The following EVI5 variants were observed in gnomAD, a reference collection of about 807,000 sequenced individuals.
EVI5 encodes the protein ecotropic viral integration site 5 protein homolog.
EVI5 carries 73 observed loss-of-function variants against 112.0 expected under a neutral mutation model. That is an observed-to-expected ratio of 0.65 (90% CI 0.54 to 0.79). EVI5 has a LOEUF of 0.79. EVI5 is among the 30% of genes least tolerant of loss of function. The pLI, the probability that EVI5 is intolerant of heterozygous loss-of-function variation, is 0.00. For missense variants in EVI5, 900 were observed against 968.8 expected (o/e 0.93, Z 0.94); for synonymous variants, 305 against 319.9 (o/e 0.95, Z 0.50).
At chr1:92,586,710 C>G (rs1464309875) in intron 18 of EVI5, among the ~76,000 whole-genome samples, 1 of 148,394 alleles carries the variant, frequency 6.7e-6, no homozygotes, top group Admixed American at 6.8e-5. Context: ...TATTTCCTGT[C>G]CCCGTCCTAG....
intron 18 of EVI5, among the ~76,000 whole-genome samples, chr1:92,575,982 A>T (rs1323768758): frequency 6.6e-6 from 1 of 152,190 alleles, no homozygotes; most frequent in East Asian, 1.9e-4. Flanking sequence ...CATTATTCCA[A>T]ATAAAATACT....
intron 13 of EVI5, chr1:92,647,728 A>T: frequency 4.9e-6 from 1 of 203,092 alleles, no homozygotes; most frequent in Non-Finnish European, 1.0e-5. Context: ...GAGAGGTAGG[A>T]GGTCAATAAC....
At chr1:92,542,307 C>T (rs953749224) in intron 19 of EVI5, among the ~76,000 whole-genome samples, 2 of 152,106 alleles carry the variant, frequency 1.3e-5, no homozygotes. Context: ...AACTCCTCGT[C>T]CATTCAAGTT....
intron 19 of EVI5, among the ~76,000 whole-genome samples, chr1:92,516,315 C>T (rs927178116): frequency 3.3e-5 from 5 of 152,144 alleles, no homozygotes; most frequent in Non-Finnish European, 7.3e-5. Context: ...CTTTCCTTTG[C>T]TCTAACAAAA....
At chr1:92,580,118 A>C (rs1302827746) in intron 18 of EVI5, among the ~76,000 whole-genome samples, 1 of 152,226 alleles carries the variant, frequency 6.6e-6, no homozygotes, top group Non-Finnish European at 1.5e-5. Flanking sequence ...AAGAAAACCC[A>C]TGAGGCTAAT....
At chr1:92,629,478 A>G (rs1266833147) in intron 14 of EVI5, among the ~76,000 whole-genome samples, 6 of 152,194 alleles carry the variant, frequency 3.9e-5, no homozygotes, top group Non-Finnish European at 7.4e-5. Context: ...TCTGAAAGCT[A>G]TAAGAAACCT....
chr1:92,785,380 C>A (rs976647885), upstream of EVI5, among the ~76,000 whole-genome samples: 3 of 152,208 alleles, frequency 2.0e-5, no homozygotes, highest in South Asian at 2.1e-4. Flanking sequence ...GGGCCCGAAG[C>A]GACCCCGAGC....
chr1:92,590,013 G>A (rs1673529977), intron 18 of EVI5, among the ~76,000 whole-genome samples: 1 of 152,216 alleles, frequency 6.6e-6, no homozygotes, highest in Non-Finnish European at 1.5e-5. Flanking sequence ...AGGGTCTGGA[G>A]TGGACCTCCA....
Position 92,656,921 on chromosome 1 carries a change from A to C in EVI5, c.1392+5798T>G, listed in dbSNP as rs543840018. Among the ~76,000 whole-genome samples, 86 of 152,316 alleles carry C rather than the reference A, an allele frequency of 5.6e-4. 1 individual carries two copies. In the South Asian group the frequency reaches 0.017, roughly 31 times the overall value. On this transcript the variant is annotated intron_variant, in intron 13 of 19. Transcript: ENST00000684568. ...TCCCAACAAGAACAAGAAGCCCAGG[A>C]TCAGATGAATTCACAGCCAAATTCT...
intron 1 of EVI5, among the ~76,000 whole-genome samples, chr1:92,783,821 AAAAAAG>A (rs575202055): frequency 0.07 from 10,188 of 146,324 alleles, 251 homozygotes; most frequent in Middle Eastern, 0.11. Context: ...AAAAAAAAAA[AAAAAAG>A]AAAAGAAAAG....
At chr1:92,712,283 A>G (rs1277833265) in intron 2 of EVI5, among the ~76,000 whole-genome samples, 1 of 152,220 alleles carries the variant, frequency 6.6e-6, no homozygotes, top group Non-Finnish European at 1.5e-5. Context: ...AACAACTCAG[A>G]GACAACACAG....
intron 6 of EVI5, among the ~76,000 whole-genome samples, chr1:92,696,337 G>A (rs937128453): frequency 2.6e-5 from 4 of 152,120 alleles, no homozygotes; most frequent in African/African-American, 9.7e-5. Context: ...CTCAAGTCCA[G>A]GCACAGTGGC....
intron 1 of EVI5, among the ~76,000 whole-genome samples, chr1:92,766,536 T>C (rs1318469704): frequency 6.6e-6 from 1 of 152,164 alleles, no homozygotes. Context: ...CAATGTGAAA[T>C]AAGAATTACC....
intron 1 of EVI5, chr1:92,784,581 G>A: frequency 5.8e-6 from 2 of 346,114 alleles, no homozygotes; most frequent in Non-Finnish European, 8.2e-6. Flanking sequence ...GGACGCCACA[G>A]TTAGACCCGC....
intron 19 of EVI5, among the ~76,000 whole-genome samples, chr1:92,520,823 T>C (rs1660776550): frequency 6.6e-6 from 1 of 150,456 alleles, no homozygotes; most frequent in African/African-American, 2.5e-5. Flanking sequence ...CACTGCATTC[T>C]AGCCTGGGTG....
intron 13 of EVI5, among the ~76,000 whole-genome samples, chr1:92,662,253 C>T (rs370631045): frequency 2.0e-5 from 3 of 152,234 alleles, no homozygotes; most frequent in Admixed American, 2.0e-4. Context: ...AATAGTATTT[C>T]GTAAGACACA....
intron 1 of EVI5, among the ~76,000 whole-genome samples, chr1:92,764,397 A>T (rs1682313186): frequency 6.6e-6 from 1 of 152,192 alleles, no homozygotes; most frequent in Non-Finnish European, 1.5e-5. Context: ...ATTTAAAATG[A>T]TAGTAGACCA....
At chr1:92,590,161 C>A (rs181072701) in intron 18 of EVI5, among the ~76,000 whole-genome samples, 12 of 152,094 alleles carry the variant, frequency 7.9e-5, no homozygotes, top group Non-Finnish European at 1.8e-4. Flanking sequence ...CACAAAGATG[C>A]GGAAAAAACA....
chr1:92,522,599 C>T (rs934794423), intron 19 of EVI5, among the ~76,000 whole-genome samples: 1 of 135,660 alleles, frequency 7.4e-6, no homozygotes, highest in African/African-American at 2.8e-5. Flanking sequence ...CCACAGCACT[C>T]CAGCCTGGGT....
Sources: gnomAD v4.1 joint callset for allele counts (sites outside exome capture counted in the v4.1 genomes callset) on GRCh38, gnomAD v4.1.1 for gene constraint, MANE v1.5 for transcripts, NCBI Gene and HGNC (gene_info 2026-07-23, HGNC 2026-07-21) for gene names.